Variants in RGS7 observed in about 807,000 individuals in gnomAD.
RGS7 encodes the protein regulator of G protein signaling 7.
Under a neutral mutation model 81.1 loss-of-function variants are expected in RGS7, and 27 were observed. The observed-to-expected ratio is 0.33, with a 90% confidence interval of 0.25 to 0.46. The LOEUF (loss-of-function observed/expected upper bound fraction) is 0.46, where lower values mean the gene tolerates loss of function less well. Among genes scored for constraint, RGS7 ranks in the 20% least tolerant of loss-of-function variants. The pLI is 1.00. For synonymous variants in RGS7, 208 were observed against 207.7 expected (o/e 1.00, Z -0.01); for missense variants, 396 against 607.4 (o/e 0.65, Z 3.66).
rs1682816765 is a variant in RGS7, at chr1:240,775,623, A to G, written c.*597T>C. 6.5e-6 allele frequency: 1 copy of G among 154,788 alleles called. No homozygotes were observed. Among genetic ancestry groups the G allele is most frequent in the African/African-American group, 2.4e-5 (1 of 41,480 alleles). 9.6% of individuals were successfully genotyped at this position (154,788 alleles called of 1,614,324 possible). On this transcript the variant is annotated 3_prime_UTR_variant, in exon 19 of 19. Transcript: ENST00000440928. ...TTGGAGTAAAAGGTGTTTCTTCTTT[A>G]AATATGGTATAAAAATAAATGCGAG...
At chr1:240,905,442 C>A (rs1670666986) in intron 6 of RGS7, among the ~76,000 whole-genome samples, 2 of 152,128 alleles carry the variant, frequency 1.3e-5, no homozygotes, top group Non-Finnish European at 2.9e-5. Context: ...GACTGAGTAA[C>A]CATGTATGAT....
At chr1:241,003,559 A>T (rs1402349745) in intron 3 of RGS7, among the ~76,000 whole-genome samples, 1 of 152,250 alleles carries the variant, frequency 6.6e-6, no homozygotes, top group Non-Finnish European at 1.5e-5. Context: ...TTACTATCAG[A>T]AGAGGACTTG....
intron 2 of RGS7, among the ~76,000 whole-genome samples, chr1:241,329,079 T>C (rs2081800807): frequency 6.6e-6 from 1 of 152,222 alleles, no homozygotes; most frequent in Admixed American, 6.5e-5. Flanking sequence ...TTGGTAGGTT[T>C]CCATCTAATA....
intron 6 of RGS7, among the ~76,000 whole-genome samples, chr1:240,902,608 G>C (rs892334018): frequency 3.3e-5 from 5 of 152,066 alleles, no homozygotes; most frequent in Non-Finnish European, 7.4e-5. Flanking sequence ...TTTAAAAATA[G>C]AGACAAACTT....
In RGS7 at chr1:241,164,601, A is replaced by G. The variant is rs750227885; in HGVS notation, c.79-65839T>C. On this transcript the variant is annotated intron_variant, in intron 2 of 18. Coordinates refer to ENST00000440928, the MANE Select transcript of RGS7 (RefSeq NM_001364886.1). The surrounding 1 kb of genome is among the most constrained non-coding windows in gnomAD (Gnocchi z 4.1). ...TCACAGGAGTCCTTGACCAAACTAGATAGGCCAGGTCTGGCAGACTGTTGC... is the reference window on the plus strand; with the variant it reads ...TCACAGGAGTCCTTGACCAAACTAGGTAGGCCAGGTCTGGCAGACTGTTGC... Among the ~76,000 whole-genome samples the G allele has an allele frequency of 3.3e-5, 5 of 152,180 alleles. No homozygotes were observed. The highest frequency in any genetic ancestry group is 5.9e-5 in the Non-Finnish European group (4 of 68,018).
intron 6 of RGS7, among the ~76,000 whole-genome samples, chr1:240,878,167 A>G (rs1249405280): frequency 6.6e-6 from 1 of 152,098 alleles, no homozygotes; most frequent in African/African-American, 2.4e-5. Context: ...TTCTCTCCAG[A>G]ATATCTTCCC....
intron 2 of RGS7, among the ~76,000 whole-genome samples, chr1:241,272,179 G>A (rs1573452430): frequency 1.3e-5 from 2 of 152,032 alleles, no homozygotes; most frequent in Admixed American, 1.3e-4. Context: ...ATTTTTAGTA[G>A]AGATGGGGTT....
intron 6 of RGS7, among the ~76,000 whole-genome samples, chr1:240,929,750 T>C (rs183151439): frequency 2.1e-3 from 318 of 152,300 alleles, no homozygotes; most frequent in African/African-American, 7.4e-3. Context: ...ATCTGAAAAA[T>C]CTTTCCTCTT....
At chr1:241,326,473 A>G (rs1237732355) in intron 2 of RGS7, among the ~76,000 whole-genome samples, 3 of 152,062 alleles carry the variant, frequency 2.0e-5, no homozygotes, top group Non-Finnish European at 2.9e-5. Context: ...GCATTACCAA[A>G]TTGTGTGTCT....
chr1:241,303,454 C>T (rs1379423055), intron 2 of RGS7, among the ~76,000 whole-genome samples: 1 of 152,184 alleles, frequency 6.6e-6, no homozygotes, highest in Non-Finnish European at 1.5e-5. Context: ...AGGTGAATTA[C>T]CCAGTCTCAA....
At chr1:241,335,502 C>A (rs780737467) in intron 2 of RGS7, among the ~76,000 whole-genome samples, 1 of 152,166 alleles carries the variant, frequency 6.6e-6, no homozygotes, top group Non-Finnish European at 1.5e-5. Context: ...TATTAGTCAA[C>A]CAATGTATCA....
intron 3 of RGS7, among the ~76,000 whole-genome samples, chr1:241,055,763 A>T (rs977920071): frequency 4.9e-4 from 75 of 152,136 alleles, no homozygotes; most frequent in Non-Finnish European, 1.1e-3. Context: ...GTGGAGATGA[A>T]AGTTCTAACT....
chr1:241,247,472 G>T (rs1318123032), intron 2 of RGS7, among the ~76,000 whole-genome samples: 1 of 152,172 alleles, frequency 6.6e-6, no homozygotes, highest in East Asian at 1.9e-4. Flanking sequence ...AGACTGAGGG[G>T]AGTCTGATCT....
At chr1:240,819,682 G>C (rs192763195) in intron 10 of RGS7, among the ~76,000 whole-genome samples, 8 of 152,326 alleles carry the variant, frequency 5.3e-5, no homozygotes, top group Admixed American at 1.3e-4. Context: ...AGGCTGCAGT[G>C]AGCCAAGATC....
chr1:241,312,030 A>G (rs866935385), intron 2 of RGS7, among the ~76,000 whole-genome samples: 1 of 152,222 alleles, frequency 6.6e-6, no homozygotes, highest in Non-Finnish European at 1.5e-5. Context: ...CTTCCTCAGC[A>G]TATTATTTGA....
At chr1:241,232,628 C>T (rs1451007560) in intron 2 of RGS7, among the ~76,000 whole-genome samples, 1 of 150,620 alleles carries the variant, frequency 6.6e-6, no homozygotes, top group Non-Finnish European at 1.5e-5. Context: ...TGTTCTAGGT[C>T]ATTTCCATTT....
In RGS7 at chr1:241,230,743, C is replaced by T. The variant is rs2815859; in HGVS notation, c.78+124956G>A. Among the ~76,000 whole-genome samples the T allele has an allele frequency of 2.0e-4, 31 of 152,074 alleles. No homozygotes were observed. In the South Asian group the frequency reaches 6.2e-3, roughly 31 times the overall value. ...GCCCCCTTCACCCTAGTGTTCTGTC[C>T]TAGGACCGTGAGTACAGCTGCAGTC... On this transcript the variant is annotated intron_variant, in intron 2 of 18. Coordinates refer to ENST00000440928, the MANE Select transcript of RGS7 (RefSeq NM_001364886.1).
chr1:240,862,310 A>G (rs1452937834), intron 9 of RGS7, among the ~76,000 whole-genome samples: 5 of 152,198 alleles, frequency 3.3e-5, no homozygotes, highest in Non-Finnish European at 7.4e-5. Flanking sequence ...TCTACACTCT[A>G]GGTAAAATGC....
chr1:241,202,131 T>TA (rs1157905403), intron 2 of RGS7, among the ~76,000 whole-genome samples: 1 of 151,946 alleles, frequency 6.6e-6, no homozygotes, highest in Non-Finnish European at 1.5e-5. Flanking sequence ...TCAAGGTTCT[T>TA]ACATTAATAC....
Sources: gnomAD v4.1 joint callset for allele counts (sites outside exome capture counted in the v4.1 genomes callset) on GRCh38, gnomAD v4.1.1 for gene constraint, Gnocchi (gnomAD v3.1) non-coding constraint, MANE v1.5 for transcripts, NCBI Gene and HGNC (gene_info 2026-07-23, HGNC 2026-07-21) for gene names.